KDELR2: variants seen among roughly 807,000 people sequenced by gnomAD.
The protein encoded by KDELR2 is ER lumen protein-retaining receptor 2.
A neutral mutation model predicts 23.9 loss-of-function variants in KDELR2; 15 were observed. That is an observed-to-expected ratio of 0.63 (90% CI 0.42 to 0.97). The LOEUF (loss-of-function observed/expected upper bound fraction) is 0.97, where lower values mean the gene tolerates loss of function less well. Ranked by LOEUF, KDELR2 falls within the 50% of genes least tolerant of loss-of-function variation. The probability of loss-of-function intolerance (pLI) is 0.00; values close to 1 mark genes in which losing one functional copy is unlikely to be tolerated. For missense variants in KDELR2, 272 were observed against 254.6 expected (o/e 1.07, Z -0.46); for synonymous variants, 119 against 106.2 (o/e 1.12, Z -0.74).
intron 1 of KDELR2, among the ~76,000 whole-genome samples, chr7:6,483,253 T>C (rs940563103): frequency 3.9e-5 from 6 of 152,164 alleles, no homozygotes; most frequent in African/African-American, 1.4e-4. Flanking sequence ...CATTATTAGA[T>C]GGAGGCACTT....
chr7:6,483,697 G>A (rs1253200699), intron 1 of KDELR2, among the ~76,000 whole-genome samples: 2 of 152,210 alleles, frequency 1.3e-5, no homozygotes, highest in East Asian at 1.9e-4. Context: ...GACACAGCAG[G>A]GCCCCGCGCA....
chr7:6,469,348 T>C (rs1044731304), intron 3 of KDELR2, among the ~76,000 whole-genome samples: 7 of 151,852 alleles, frequency 4.6e-5, no homozygotes, highest in Non-Finnish European at 1.0e-4. Context: ...CTCCGCCTCC[T>C]GGGTTCAAGT....
rs1043008561 is a variant in KDELR2 at position 6,484,141 on chromosome 7, G to A, written c.-84C>T. On this transcript the variant is annotated 5_prime_UTR_variant, in exon 1 of 5. Transcript: ENST00000258739. ...GAGGCGGCGGCCCCTGAGAGGAAGC[G>A]GCGAAGATGGCGAGATCGCCCGCGA... 8 of 1,076,688 alleles carry A rather than the reference G, an allele frequency of 7.4e-6. No homozygotes were observed. The East Asian group carries it at 1.5e-4, about 20-fold the overall frequency. 66.7% of individuals were successfully genotyped at this position (1,076,688 alleles called of 1,614,324 possible). A position where few individuals can be genotyped will look rare whatever the true frequency, so the allele number is the denominator to read the frequency against.
At chr7:6,464,198 A>C (rs1249739379) in intron 4 of KDELR2, among the ~76,000 whole-genome samples, 64 of 3,036 alleles carry the variant, frequency 0.021, no homozygotes, top group African/African-American at 0.051. Context: ...ACTCTGTCTC[A>C]AAAAAAAAAA....
intron 2 of KDELR2, among the ~76,000 whole-genome samples, chr7:6,473,736 A>C (rs1196528948): frequency 6.6e-6 from 1 of 152,224 alleles, no homozygotes; most frequent in Non-Finnish European, 1.5e-5. Context: ...AAAAGATAGA[A>C]GCCTATAGAC....
intron 1 of KDELR2, among the ~76,000 whole-genome samples, chr7:6,475,451 T>C (rs866543122): frequency 5.9e-5 from 9 of 152,130 alleles, no homozygotes; most frequent in South Asian, 2.1e-4. Context: ...TACAATAAAA[T>C]AGAAATTCCA....
chr7:6,474,446 T>A (rs1045270510), intron 1 of KDELR2, among the ~76,000 whole-genome samples, 162 bp from the exon 2 acceptor site: 10 of 152,140 alleles, frequency 6.6e-5, no homozygotes, highest in African/African-American at 2.4e-4. Flanking sequence ...AGTTTTTCTA[T>A]CCCTTCCCAT....
chr7:6,467,720 C>A (rs1207804439), intron 3 of KDELR2, among the ~76,000 whole-genome samples: 1 of 152,094 alleles, frequency 6.6e-6, no homozygotes, highest in African/African-American at 2.4e-5. Context: ...GAGATCATGC[C>A]ACTGCACTCC....
At chr7:6,483,414 A>T (rs999700108) in intron 1 of KDELR2, among the ~76,000 whole-genome samples, 1 of 152,022 alleles carries the variant, frequency 6.6e-6, no homozygotes, top group African/African-American at 2.4e-5. Context: ...ACCCGACCCC[A>T]CTACACCACA....
intron 1 of KDELR2, among the ~76,000 whole-genome samples, chr7:6,483,635 G>A (rs1785959076): frequency 6.6e-6 from 1 of 152,220 alleles, no homozygotes; most frequent in Non-Finnish European, 1.5e-5. Flanking sequence ...CCCCATTCAA[G>A]CCCAGAGAGG....
chr7:6,475,032 G>A (rs1170313364), intron 1 of KDELR2, among the ~76,000 whole-genome samples: 1 of 152,190 alleles, frequency 6.6e-6, no homozygotes, highest in Non-Finnish European at 1.5e-5. Flanking sequence ...AGGAGTAGAT[G>A]AGAAGCACCG....
intron 1 of KDELR2, among the ~76,000 whole-genome samples, chr7:6,483,212 G>A (rs955743959): frequency 6.6e-6 from 1 of 152,160 alleles, no homozygotes; most frequent in Non-Finnish European, 1.5e-5. Context: ...AGGCCTCGGC[G>A]GTCCCCGGGC....
intron 1 of KDELR2, among the ~76,000 whole-genome samples, chr7:6,476,787 T>C (rs1056293798): frequency 6.6e-6 from 1 of 152,186 alleles, no homozygotes; most frequent in African/African-American, 2.4e-5. Context: ...AACTGCTTCA[T>C]GCCAGCTGCT....
intron 2 of KDELR2, among the ~76,000 whole-genome samples, chr7:6,473,595 G>C (rs1785696765): frequency 6.6e-6 from 1 of 152,066 alleles, no homozygotes; most frequent in South Asian, 2.1e-4. Flanking sequence ...CTAATAATTA[G>C]GACAAGTTGA....
intron 2 of KDELR2, among the ~76,000 whole-genome samples, chr7:6,470,715 A>G (rs1785614071): frequency 6.6e-6 from 1 of 152,148 alleles, no homozygotes; most frequent in South Asian, 2.1e-4. Context: ...GTTTGTAAAC[A>G]TATACTTCTT....
At chr7:6,483,304 A>G (rs1173175828) in intron 1 of KDELR2, among the ~76,000 whole-genome samples, 1 of 152,236 alleles carries the variant, frequency 6.6e-6, no homozygotes, top group Non-Finnish European at 1.5e-5. Context: ...AATTACGCCA[A>G]GAAAATCACT....
chr7:6,465,284 C>T (rs1405499426), intron 4 of KDELR2, among the ~76,000 whole-genome samples: 2 of 150,948 alleles, frequency 1.3e-5, no homozygotes, highest in Non-Finnish European at 2.9e-5. Flanking sequence ...CCCAGGTTCA[C>T]ACCATTCTCC....
chr7:6,482,193 G>C (rs1178579203), intron 1 of KDELR2, among the ~76,000 whole-genome samples: 5 of 151,982 alleles, frequency 3.3e-5, no homozygotes, highest in Non-Finnish European at 4.4e-5. Flanking sequence ...GTAGAGACGG[G>C]GTTTCTCCAT....
intron 2 of KDELR2, among the ~76,000 whole-genome samples, chr7:6,471,173 T>TC (rs1785628321): frequency 7.3e-6 from 1 of 137,162 alleles, no homozygotes; most frequent in Admixed American, 8.4e-5. Flanking sequence ...CACATTTGTT[T>TC]CGGTTTTTTT....
Sources: gnomAD v4.1 joint callset for allele counts (sites outside exome capture counted in the v4.1 genomes callset) on GRCh38, gnomAD v4.1.1 for gene constraint, MANE v1.5 for transcripts, NCBI Gene and HGNC (gene_info 2026-07-23, HGNC 2026-07-21) for gene names.